F8: variants seen among roughly 807,000 people sequenced by gnomAD.
F8 encodes the protein coagulation factor VIII.
Under a neutral mutation model 140.6 loss-of-function variants are expected in F8, and 12 were observed. The observed-to-expected ratio is 0.09, with a 90% confidence interval of 0.05 to 0.14. The LOEUF (loss-of-function observed/expected upper bound fraction) is 0.14, where lower values mean the gene tolerates loss of function less well. Among genes scored for constraint, F8 ranks in the 10% least tolerant of loss-of-function variants. The pLI is 1.00. For synonymous variants in F8, 585 were observed against 614.6 expected, an observed-to-expected ratio of 0.95 and a Z score of 0.71; for missense variants, 1,354 against 1,720.7, an observed-to-expected ratio of 0.79 and a Z score of 3.77.
chrX:155,016,478 G>T (rs1557287045), intron 1 of F8, among the ~76,000 whole-genome samples: 1 of 112,402 alleles, frequency 8.9e-6, no homozygotes, highest in Non-Finnish European at 1.9e-5. Context: ...AACATGTGGA[G>T]CACTGTTCAT....
chrX:154,894,133 A>G (rs2072965580), intron 22 of F8, among the ~76,000 whole-genome samples: 1 of 111,725 alleles, frequency 9.0e-6, no homozygotes, highest in Admixed American at 9.5e-5. Flanking sequence ...TTCTGGACCA[A>G]ATCAGTGTAT....
chrX:155,010,112 G>A (rs994797888), intron 1 of F8, among the ~76,000 whole-genome samples: 4 of 112,276 alleles, frequency 3.6e-5, no homozygotes, highest in African/African-American at 6.5e-5. Flanking sequence ...TGCCATTTGA[G>A]TGAATATTTT....
rs781902860 is a variant in F8 at position 154,929,840 on chromosome X, G to T, written c.3950C>A (p.Ser1317Tyr). 2 of 1,211,604 alleles carry T rather than the reference G, an allele frequency of 1.7e-6. No individual in the cohort carries two copies. The highest frequency in any genetic ancestry group is 5.9e-5 in the East Asian group (2 of 33,858). ...VEKYACTTRI[S>Y]PNTSQQNFVT... ...AAAATTCTGCTGGCTTGTATTAGGA[G>T]ATATCCTTGTGGTGCATGCATATTT... is the stretch of plus-strand genomic sequence containing the variant. The change falls in exon 14 of 26, where the codon TCT becomes TAT. Residue 1317 changes from serine (S) to tyrosine (Y), a missense_variant. Coordinates refer to ENST00000360256, the MANE Select transcript of F8 (RefSeq NM_000132.4).
chrX:154,979,174 G>A (rs2073503502), intron 6 of F8, among the ~76,000 whole-genome samples: 1 of 112,023 alleles, frequency 8.9e-6, no homozygotes, highest in Non-Finnish European at 1.9e-5. Context: ...TCATAGCAAT[G>A]AAACAACCTG....
chrX:154,860,311 G>T, intron 25 of F8, 121 bp downstream of exon 25: 1 of 679,661 alleles, frequency 1.5e-6, no homozygotes, highest in Non-Finnish European at 2.3e-6. Flanking sequence ...GCTACCATAG[G>T]TACTTAATAA....
At chrX:154,995,541 G>C (rs1385121475) in intron 3 of F8, among the ~76,000 whole-genome samples, 5 of 111,933 alleles carry the variant, frequency 4.5e-5, no homozygotes, top group African/African-American at 1.6e-4. Flanking sequence ...AGTTTTCCTT[G>C]GACAGAAGAA....
At chrX:154,982,037 AGGTG>A (rs1557283661) in intron 6 of F8, among the ~76,000 whole-genome samples, 2 of 109,148 alleles carry the variant, frequency 1.8e-5, no homozygotes, top group Admixed American at 2.0e-4. Context: ...TACAAAAATT[AGGTG>A]GGCGTGGTGG....
At chrX:154,868,497 G>A (rs188882919) in intron 22 of F8, among the ~76,000 whole-genome samples, 40 of 111,591 alleles carry the variant, frequency 3.6e-4, no homozygotes, top group African/African-American at 1.2e-3. Context: ...ACCGAATGCT[G>A]AGGGATTTTG....
rs387906455 is a variant in F8, at chrX:154,929,410, AT to A, written c.4379del (p.Asn1460IlefsTer5). 2 of 1,209,036 alleles carry A rather than the reference AT, an allele frequency of 1.7e-6. No individual in the cohort carries two copies. Among genetic ancestry groups the A allele is most frequent in the Non-Finnish European group, 2.2e-6 (2 of 893,811 alleles). The part of the protein sequence containing the change: ...SSHFLQGAKK[N>X]NLSLAILTLE... ...AGGTTAGAATGGCTAAAGAAAGGTTATTTTTTTTGGCTCCTTGTAAGAAATG... is the reference window on the plus strand; with the variant it reads ...AGGTTAGAATGGCTAAAGAAAGGTTATTTTTTTGGCTCCTTGTAAGAAATG... On this transcript the variant is annotated frameshift_variant, in exon 14 of 26. Coordinates refer to ENST00000360256, the MANE Select transcript of F8 (RefSeq NM_000132.4). LOFTEE classifies it high-confidence loss of function.
intron 14 of F8, among the ~76,000 whole-genome samples, chrX:154,916,424 G>T (rs1389431321): frequency 9.0e-6 from 1 of 111,567 alleles, no homozygotes; most frequent in Non-Finnish European, 1.9e-5. Flanking sequence ...AAGTCATCAG[G>T]TCCTGGACTT....
intron 14 of F8, among the ~76,000 whole-genome samples, chrX:154,927,952 C>T (rs1193475915): frequency 8.9e-6 from 1 of 111,951 alleles, no homozygotes; most frequent in African/African-American, 3.2e-5. Flanking sequence ...ATTATTCTCT[C>T]TACCATATTA....
intron 6 of F8, among the ~76,000 whole-genome samples, chrX:154,982,948 TTA>T (rs1406234454): frequency 8.9e-6 from 1 of 112,565 alleles, no homozygotes; most frequent in Non-Finnish European, 1.9e-5. Context: ...TATTTGTTGT[TTA>T]TGTTATTGAT....
chrX:154,863,640 A>G (rs1312681241), intron 22 of F8, among the ~76,000 whole-genome samples: 2 of 111,003 alleles, frequency 1.8e-5, no homozygotes, highest in African/African-American at 3.3e-5. Context: ...TTGTTCCCCC[A>G]CAGGAACAAT....
At chrX:154,914,288 G>A (rs2073083641) in intron 14 of F8, among the ~76,000 whole-genome samples, 1 of 112,817 alleles carries the variant, frequency 8.9e-6, no homozygotes, top group Admixed American at 9.3e-5. Flanking sequence ...CCTGTGATGG[G>A]AGGGGCTGCT....
chrX:154,857,835 C>T (rs1433526641), intron 25 of F8, among the ~76,000 whole-genome samples: 1 of 112,367 alleles, frequency 8.9e-6, no homozygotes, highest in Non-Finnish European at 1.9e-5. Flanking sequence ...ATAAGGATTT[C>T]AATAATCAAG....
At chrX:154,867,822 C>T (rs1004450507) in intron 22 of F8, among the ~76,000 whole-genome samples, 5 of 110,186 alleles carry the variant, frequency 4.5e-5, no homozygotes, top group African/African-American at 1.6e-4. Flanking sequence ...TTCAACAGCA[C>T]ATTAAAAGGA....
At chrX:154,871,512 G>A (rs189129257) in intron 22 of F8, among the ~76,000 whole-genome samples, 36 of 111,948 alleles carry the variant, frequency 3.2e-4, no homozygotes, top group African/African-American at 1.1e-3. Flanking sequence ...AACTGAAACT[G>A]GATCCCTTCC....
chrX:154,930,140 A>G lies in F8; in HGVS notation c.3650T>C (p.Ile1217Thr), dbSNP rs782250680. ...TTGGATTAATGTTTCCTTCTTTTCT[A>G]TTTCTTCCTGAATTTTTTTTTCTTG... Reference protein sequence around the residue: ...HNQEKKIQEEIEKKETLIQEN... With the variant: ...HNQEKKIQEETEKKETLIQEN... The change falls in exon 14 of 26, where the codon ATA becomes ACA. Residue 1217 changes from isoleucine (I) to threonine (T), a missense_variant. Ile to Thr is a moderately conservative substitution (Grantham distance 89). This residue lies in a region of F8 where 658 missense variants were observed against 666.5 expected (regional missense o/e 0.99). Transcript: ENST00000360256. The G allele has an allele frequency of 8.3e-7, 1 of 1,206,683 alleles. No individual in the cohort carries two copies. The highest frequency in any genetic ancestry group is 1.8e-5 in the South Asian group (1 of 56,173).
intron 3 of F8, among the ~76,000 whole-genome samples, chrX:154,995,806 T>C (rs782413972): frequency 8.9e-6 from 1 of 112,064 alleles, no homozygotes; most frequent in South Asian, 3.7e-4. Context: ...GTCTTTTTTG[T>C]ACTTAACCTT....
Sources: gnomAD v4.1 joint callset for allele counts (sites outside exome capture counted in the v4.1 genomes callset) on GRCh38, gnomAD v4.1.1 for gene constraint, gnomAD v4.1.1 regional missense constraint, MANE v1.5 for transcripts, NCBI Gene and HGNC (gene_info 2026-07-23, HGNC 2026-07-21) for gene names.